The following ITIH1 variants were observed in gnomAD, a reference collection of about 807,000 sequenced individuals.
ITIH1 encodes the protein inter-alpha-trypsin inhibitor heavy chain 1, also known as inter-alpha-trypsin inhibitor heavy chain H1.
A neutral mutation model predicts 104.6 loss-of-function variants in ITIH1; 94 were observed. The observed-to-expected ratio is 0.90, with a 90% CI of 0.76 to 1.07. The LOEUF is 1.07. Ranked by LOEUF, ITIH1 falls within the 50% of genes least tolerant of loss-of-function variation. ITIH1 has a pLI of 0.00. For missense variants in ITIH1, 1,193 were observed against 1,181.4 expected (o/e 1.01, Z -0.14); for synonymous variants, 455 against 464.4 (o/e 0.98, Z 0.26).
chr3:52,787,507 G>T, intron 15 of ITIH1, 85 bp from the exon 16 acceptor site: 1 of 1,527,166 alleles, frequency 6.5e-7, no homozygotes, highest in South Asian at 1.1e-5. Flanking sequence ...CTGGGCCCAG[G>T]CCTGTTGTGG....
Position 52,782,056 on chromosome 3 carries a change from C to T in ITIH1, c.804C>T (p.Cys268=), listed in dbSNP as rs752722689. ...VTYDVSRDKI[C]DLLVANNHFA... ...ACGATGTCAGTCGAGACAAGATCTG[C>T]GACCTCCTGGTGAGCCCTGAGCTTC... Residue 268 remains cysteine, a synonymous_variant, in exon 7 of 22, where the codon TGC becomes TGT. Coordinates refer to ENST00000273283, the MANE Select transcript of ITIH1 (RefSeq NM_002215.4). The T allele has an allele frequency of 4.0e-5, 65 of 1,614,010 alleles. No homozygotes were observed. The highest frequency in any genetic ancestry group is 6.7e-5 in the African/African-American group (5 of 74,906).
In ITIH1 at chr3:52,779,425, C is replaced by T; in HGVS notation, c.411-7C>T. 6.2e-7 allele frequency: 1 copy of T among 1,614,244 alleles called. No homozygotes were observed. Among genetic ancestry groups the T allele is most frequent in the Non-Finnish European group, 8.5e-7 (1 of 1,180,026 alleles). On this transcript the variant is annotated splice_region_variant and splice_polypyrimidine_tract_variant and intron_variant, in intron 4 of 21. Transcript: ENST00000273283. This position sits in a 1 kb window ranked among gnomAD's most constrained non-coding sequence, Gnocchi z 4.4. Reference sequence around the variant, plus strand: ...CTGTCTGCTGTTGCCTCTGGTGGCACATCCAGGGCCTCGGGGAGAACTATG... The same window carrying T: ...CTGTCTGCTGTTGCCTCTGGTGGCATATCCAGGGCCTCGGGGAGAACTATG...
At position 52,779,100 on chromosome 3, in the gene ITIH1, C is replaced by A; in HGVS notation, c.410+54C>A. On this transcript the variant is annotated intron_variant, in intron 4 of 21. Coordinates refer to ENST00000273283, the MANE Select transcript of ITIH1 (RefSeq NM_002215.4). The surrounding 1 kb of genome is among the most constrained non-coding windows in gnomAD (Gnocchi z 4.4). ...CTAGGGCTGCCCTCCCCAGCCAGGA[C>A]AGGTCTGATGGCTGCAAGGTGGCTT... 7.9e-7 allele frequency: 1 copy of A among 1,259,996 alleles called. No homozygotes were observed. The highest frequency in any genetic ancestry group is 1.2e-6 in the Non-Finnish European group (1 of 857,430). 78.1% of individuals were successfully genotyped at this position (1,259,996 alleles called of 1,614,324 possible).
rs750922477 is a variant in ITIH1 at position 52,778,990 on chromosome 3, T to G, written c.354T>G (p.Thr118=). The change falls in exon 4 of 22, where the codon ACT becomes ACG. Residue 118 remains threonine, a synonymous_variant. Coordinates refer to ENST00000273283, the MANE Select transcript of ITIH1 (RefSeq NM_002215.4). ...TCGGAGACATAAAGGACAAGGTGAC[T>G]GCATGGAAGCAGTACCGGAAAGCAG... ...AFIGDIKDKV[T]AWKQYRKAAI... is the part of the protein sequence containing the mutation. 4 of 1,614,060 alleles carry G rather than the reference T, an allele frequency of 2.5e-6. No individual in the cohort carries two copies. The highest frequency in any genetic ancestry group is 1.3e-5 in the African/African-American group (1 of 74,940).
intron 10 of ITIH1, among the ~76,000 whole-genome samples, chr3:52,783,843 C>T (rs1397782043): frequency 1.3e-5 from 2 of 151,866 alleles, no homozygotes; most frequent in African/African-American, 4.8e-5. Context: ...GGAAGGCCTC[C>T]TGGAGGAGGT....
At chr3:52,781,204 TTTTTTTCTTCTTCTTCTTCTTCTTCTTC>T (rs202133555) in intron 6 of ITIH1, among the ~76,000 whole-genome samples, 2,809 of 121,248 alleles carry the variant, frequency 0.023, 251 homozygotes, top group East Asian at 0.038. Flanking sequence ...CTTCTTTTTT[TTTTTTTCTTCTTCTTCTTCTTCTTCTTC>T]TTCTTCTTCT....
In ITIH1 at chr3:52,779,603, C is replaced by T; in HGVS notation, c.573+9C>T. ...TGGTGCATCATTTTGAGGTAGATCA[C>T]AGGTCCCGGGGCAGGGGTCCTGCCC... is the stretch of plus-strand genomic sequence containing the variant. On this transcript the variant is annotated intron_variant, in intron 5 of 21. Coordinates refer to ENST00000273283, the MANE Select transcript of ITIH1 (RefSeq NM_002215.4). This position sits in a 1 kb window ranked among gnomAD's most constrained non-coding sequence, Gnocchi z 4.4. 6.2e-7 allele frequency: 1 copy of T among 1,614,096 alleles called. No homozygotes were observed. The highest frequency in any genetic ancestry group is 8.5e-7 in the Non-Finnish European group (1 of 1,179,970).
Position 52,779,943 on chromosome 3 carries a change from G to A in ITIH1, c.574-326G>A. The A allele has an allele frequency of 7.2e-7, 1 of 1,379,850 alleles. No individual in the cohort carries two copies. Among genetic ancestry groups the A allele is most frequent in the South Asian group, 1.6e-5 (1 of 64,338 alleles). The allele number at this position is 1,379,850 out of a possible 1,614,324, so 85.5% of individuals were successfully genotyped here. ...CTGGAATTATTGCTGGCACCTAAGT[G>A]GTGGCTGAGTTGAGGGATGCAGGCA... On this transcript the variant is annotated intron_variant, in intron 5 of 21. Transcript: ENST00000273283. The surrounding 1 kb of genome is among the most constrained non-coding windows in gnomAD (Gnocchi z 4.4).
chr3:52,783,437 G>T (rs867154121), intron 10 of ITIH1, 98 bp downstream of exon 10: 1 of 1,389,766 alleles, frequency 7.2e-7, no homozygotes, highest in Non-Finnish European at 9.9e-7. Flanking sequence ...GATGCCATCA[G>T]GGGGCAGAAA....
chr3:52,790,189 A>T, intron 19 of ITIH1: 2 of 370,838 alleles, frequency 5.4e-6, no homozygotes, highest in South Asian at 3.6e-5. Context: ...CCTCTGCTGA[A>T]CTCCAGATTT....
rs910938590 is a variant in ITIH1, at chr3:52,791,409, A to G, written c.2495-108A>G. Reference sequence around the variant, plus strand: ...GTTAGCAGAAACAGTCAAGCCCTGGAAAAAAAGCGGTCCAGCAATGCTCTA... The same window carrying G: ...GTTAGCAGAAACAGTCAAGCCCTGGGAAAAAAGCGGTCCAGCAATGCTCTA... On this transcript the variant is annotated intron_variant, in intron 20 of 21. Transcript: ENST00000273283. The G allele has an allele frequency of 6.4e-6, 5 of 781,454 alleles. No homozygotes were observed. In the African/African-American group the frequency reaches 7.0e-5, roughly 11 times the overall value. The allele number at this position is 781,454 out of a possible 1,614,324, so 48.4% of individuals were successfully genotyped here. A position where few individuals can be genotyped will look rare whatever the true frequency, so the allele number is the denominator to read the frequency against.
At chr3:52,790,453 G>C in intron 19 of ITIH1, 2 of 360,762 alleles carry the variant, frequency 5.5e-6, no homozygotes, top group Non-Finnish European at 1.0e-5. Context: ...CTGCTTACCA[G>C]CTGTGCTACC....
intron 18 of ITIH1, among the ~76,000 whole-genome samples, chr3:52,788,838 G>A (rs527977186): frequency 1.3e-5 from 2 of 152,312 alleles, no homozygotes; most frequent in South Asian, 4.2e-4. Context: ...TGGGATTACA[G>A]GTGTGAGCCA....
intron 2 of ITIH1, 86 bp from the exon 3 acceptor site, chr3:52,778,254 C>A: frequency 2.2e-6 from 3 of 1,389,442 alleles, no homozygotes; most frequent in Non-Finnish European, 2.0e-6. Context: ...TGCACTGGGG[C>A]TAAGTGCCAA....
Position 52,781,738 on chromosome 3 carries a change from T to C in ITIH1, c.688-202T>C, listed in dbSNP as rs552302138. Among the ~76,000 whole-genome samples, 41 of 152,292 alleles carry C rather than the reference T, an allele frequency of 2.7e-4. No individual in the cohort carries two copies. The South Asian group carries it at 5.8e-3, about 22-fold the overall frequency. ...AAAATCCCAATGATTCAGAAGCATATAAGCAAGGGAATGGGTCATCTCTCC... is the reference window on the plus strand; with the variant it reads ...AAAATCCCAATGATTCAGAAGCATACAAGCAAGGGAATGGGTCATCTCTCC... On this transcript the variant is annotated intron_variant, in intron 6 of 21. Coordinates refer to ENST00000273283, the MANE Select transcript of ITIH1 (RefSeq NM_002215.4).
At chr3:52,789,229 C>G (rs1319273929) in intron 18 of ITIH1, among the ~76,000 whole-genome samples, 1 of 152,196 alleles carries the variant, frequency 6.6e-6, no homozygotes, top group East Asian at 1.9e-4. Flanking sequence ...CATTTCAGAG[C>G]ATGAGACGTG....
In ITIH1 at chr3:52,790,783, G is replaced by C; in HGVS notation, c.2356G>C (p.Val786Leu). The C allele has an allele frequency of 6.2e-7, 1 of 1,613,236 alleles. No homozygotes were observed. The highest frequency in any genetic ancestry group is 1.1e-5 in the South Asian group (1 of 90,888). ...GACCATCAACAAGAAGAGGAACCTGGTGGTGTCTGTGGACGACGGTGGCAC... is the reference window on the plus strand; with the variant it reads ...GACCATCAACAAGAAGAGGAACCTGCTGGTGTCTGTGGACGACGGTGGCAC... The part of the protein sequence containing the change: ...VVTINKKRNL[V>L]VSVDDGGTFE... Residue 786 changes from valine to leucine, a missense_variant, in exon 20 of 22, where the codon GTG (valine) becomes CTG (leucine). By Grantham distance (32) the Val-to-Leu change is conservative. Coordinates refer to ENST00000273283, the MANE Select transcript of ITIH1 (RefSeq NM_002215.4).
In ITIH1 at chr3:52,787,972, C is replaced by A. The variant is rs748809908; in HGVS notation, c.1925-14C>A. On this transcript the variant is annotated splice_polypyrimidine_tract_variant and intron_variant, in intron 16 of 21. Transcript: ENST00000273283. ...GGCTGCCCCGCTTCTAAATGCCACT[C>A]CCCCTCCCATCAGCGTTCGTGCTGT... is the stretch of plus-strand genomic sequence containing the variant. The A allele has an allele frequency of 8.3e-5, 132 of 1,590,260 alleles. No homozygotes were observed. The highest frequency in any genetic ancestry group is 1.6e-4 in the East Asian group (7 of 44,058).
At chr3:52,790,985 C>G (rs1429958020) in intron 20 of ITIH1, 64 bp downstream of exon 20, 1 of 1,502,580 alleles carries the variant, frequency 6.7e-7, no homozygotes, top group Non-Finnish European at 8.9e-7. Flanking sequence ...CATGTGGGAC[C>G]TGGGGCCACC....
Sources: gnomAD v4.1 joint callset for allele counts (sites outside exome capture counted in the v4.1 genomes callset) on GRCh38, gnomAD v4.1.1 for gene constraint, Gnocchi (gnomAD v3.1) non-coding constraint, MANE v1.5 for transcripts, NCBI Gene and HGNC (gene_info 2026-07-23, HGNC 2026-07-21) for gene names.